THOC2: variants seen among roughly 807,000 people sequenced by gnomAD.
THOC2 encodes THO complex subunit 2, also known as THO complex 2.
A neutral mutation model predicts 128.4 loss-of-function variants in THOC2; 10 were observed. The ratio of observed to expected loss-of-function variants is 0.08; its 90% CI spans 0.05 to 0.13. THOC2 has a LOEUF of 0.13. Among genes scored for constraint, THOC2 ranks in the 10% least tolerant of loss-of-function variants. The probability of loss-of-function intolerance (pLI) is 1.00; values close to 1 mark genes in which losing one functional copy is unlikely to be tolerated. For missense variants in THOC2, 535 were observed against 1,155.7 expected (o/e 0.46, Z 7.79); for synonymous variants, 393 against 396.9 (o/e 0.99, Z 0.12).
intron 4 of THOC2, among the ~76,000 whole-genome samples, chrX:123,698,353 G>A (rs1407423633): frequency 9.2e-6 from 1 of 109,108 alleles, no homozygotes; most frequent in Non-Finnish European, 1.9e-5. Context: ...AGCTACTCAG[G>A]AGACTGAGGC....
At chrX:123,611,919 T>C (rs1396190787) in intron 36 of THOC2, among the ~76,000 whole-genome samples, 1 of 109,753 alleles carries the variant, frequency 9.1e-6, no homozygotes, top group Non-Finnish European at 1.9e-5. Flanking sequence ...CATGAAAAGA[T>C]GTTCAGCATC....
chrX:123,682,713 A>G (rs1201133222), intron 8 of THOC2, among the ~76,000 whole-genome samples: 1 of 111,844 alleles, frequency 8.9e-6, no homozygotes, highest in African/African-American at 3.2e-5. Context: ...TCTAAACATC[A>G]AAAAAGTAAG....
At chrX:123,655,933 G>A (rs889240327) in intron 12 of THOC2, among the ~76,000 whole-genome samples, 12 of 109,585 alleles carry the variant, frequency 1.1e-4, no homozygotes, top group Non-Finnish European at 1.9e-4. Context: ...TATAAGAATC[G>A]CTTGAACCTG....
intron 1 of THOC2, among the ~76,000 whole-genome samples, chrX:123,718,029 A>T (rs2051507677): frequency 8.9e-6 from 1 of 112,856 alleles, no homozygotes; most frequent in African/African-American, 3.2e-5. Context: ...ATATAAGGCC[A>T]GCCAACTGTA....
At chrX:123,652,761 A>C (rs769416906) in intron 12 of THOC2, among the ~76,000 whole-genome samples, 12 of 111,914 alleles carry the variant, frequency 1.1e-4, no homozygotes, top group African/African-American at 2.9e-4. Context: ...ACTACTGCTC[A>C]AGGAAATAAG....
chrX:123,720,570 A>G (rs2051646103), intron 1 of THOC2, among the ~76,000 whole-genome samples: 1 of 112,324 alleles, frequency 8.9e-6, no homozygotes, highest in Admixed American at 9.5e-5. Flanking sequence ...GTACTTATCC[A>G]AAAAAATTTA....
At chrX:123,709,433 T>C (rs962629481) in intron 2 of THOC2, among the ~76,000 whole-genome samples, 1 of 109,945 alleles carries the variant, frequency 9.1e-6, no homozygotes, top group Non-Finnish European at 1.9e-5. Flanking sequence ...CTACTAAAAA[T>C]ACAAAAAATT....
intron 7 of THOC2, among the ~76,000 whole-genome samples, chrX:123,693,924 A>G (rs978515645): frequency 3.6e-5 from 4 of 111,447 alleles, no homozygotes; most frequent in Non-Finnish European, 5.6e-5. Context: ...TAGACTGTCC[A>G]TATACCTCAT....
intron 2 of THOC2, among the ~76,000 whole-genome samples, chrX:123,709,374 A>G (rs2051083026): frequency 1.8e-5 from 2 of 110,998 alleles, no homozygotes; most frequent in Admixed American, 9.5e-5. Flanking sequence ...GGCGGATCAC[A>G]AGGTAAGGAG....
At chrX:123,691,961 A>C (rs2050239105) in intron 7 of THOC2, among the ~76,000 whole-genome samples, 1 of 112,081 alleles carries the variant, frequency 8.9e-6, no homozygotes, top group African/African-American at 3.2e-5. Flanking sequence ...CGCTGTTTTT[A>C]CACTACAATG....
chrX:123,704,682 A>T (rs1354681408), intron 3 of THOC2, among the ~76,000 whole-genome samples: 1 of 110,370 alleles, frequency 9.1e-6, no homozygotes, highest in Non-Finnish European at 1.9e-5. Context: ...ACATGATGAA[A>T]CCCTGTCTCT....
At position 123,650,999 on chromosome X, in the gene THOC2, A is replaced by G. The variant is rs914057868; in HGVS notation, c.1387-5624T>C. Among the ~76,000 whole-genome samples the G allele has an allele frequency of 1.5e-4, 17 of 112,072 alleles. No homozygotes were observed. The South Asian group carries it at 6.3e-3, about 42-fold the overall frequency. ...GAACTCTCCACCTCAAATCAACAGAATATACATTCTTCTCAGCATCACATC... is the reference window on the plus strand; with the variant it reads ...GAACTCTCCACCTCAAATCAACAGAGTATACATTCTTCTCAGCATCACATC... On this transcript the variant is annotated intron_variant, in intron 12 of 38. Coordinates refer to ENST00000245838, the MANE Select transcript of THOC2 (RefSeq NM_001081550.2).
intron 8 of THOC2, among the ~76,000 whole-genome samples, chrX:123,678,973 C>T (rs1056409089): frequency 2.7e-4 from 30 of 111,003 alleles, no homozygotes; most frequent in African/African-American, 9.2e-4. Flanking sequence ...CAAGTTAATC[C>T]ACCCATTTAA....
At chrX:123,633,467 A>C (rs1395281286) in intron 20 of THOC2, among the ~76,000 whole-genome samples, 1 of 111,414 alleles carries the variant, frequency 9.0e-6, no homozygotes, top group East Asian at 2.8e-4. Context: ...CGATGGCGAG[A>C]TCTTGGCTCA....
rs927412863 is a variant in THOC2 at position 123,677,371 on chromosome X, CATTAA to C, written c.769-5615_769-5611del. Among the ~76,000 whole-genome samples, 245 of 111,364 alleles carry C rather than the reference CATTAA, an allele frequency of 2.2e-3. 1 individual carries two copies. Among genetic ancestry groups the C allele is most frequent in the African/African-American group, 7.7e-3 (236 of 30,673 alleles). On this transcript the variant is annotated intron_variant, in intron 8 of 38. Coordinates refer to ENST00000245838, the MANE Select transcript of THOC2 (RefSeq NM_001081550.2). ...TTATAAACACTATATACTTAGGTTA[CATTAA>C]ATTATTTTAATATTTCTTTCTTCAA...
intron 22 of THOC2, among the ~76,000 whole-genome samples, chrX:123,629,085 G>A (rs1351564830): frequency 9.2e-6 from 1 of 108,634 alleles, no homozygotes; most frequent in African/African-American, 3.4e-5. Flanking sequence ...GGGAGGGGCT[G>A]CAGAGATGTG....
At chrX:123,715,988 T>C (rs985305894) in intron 1 of THOC2, among the ~76,000 whole-genome samples, 1 of 110,957 alleles carries the variant, frequency 9.0e-6, no homozygotes, top group African/African-American at 3.3e-5. Flanking sequence ...TACTACACCA[T>C]GATACCAGAG....
chrX:123,718,296 A>G (rs1409249827), intron 1 of THOC2, among the ~76,000 whole-genome samples: 1 of 112,165 alleles, frequency 8.9e-6, no homozygotes, highest in East Asian at 2.8e-4. Flanking sequence ...TCAACTCAAA[A>G]TGAATTAAAG....
intron 1 of THOC2, among the ~76,000 whole-genome samples, chrX:123,726,260 A>C (rs1214765306): frequency 9.1e-6 from 1 of 110,224 alleles, no homozygotes; most frequent in Non-Finnish European, 1.9e-5. Context: ...TGAAAGAAGA[A>C]TTTAACAGAA....
Sources: allele counts gnomAD v4.1 joint callset (sites outside exome capture counted in the v4.1 genomes callset), GRCh38; gene constraint gnomAD v4.1.1; transcripts MANE v1.5; gene names NCBI Gene and HGNC (gene_info 2026-07-23, HGNC 2026-07-21).